The following CLTCL1 variants were observed in gnomAD, a reference collection of about 807,000 sequenced individuals.
CLTCL1 encodes clathrin heavy chain like 1, also known as clathrin heavy chain 2.
A neutral mutation model predicts 190.0 loss-of-function variants in CLTCL1; 159 were observed. The ratio of observed to expected loss-of-function variants is 0.84; its 90% CI spans 0.74 to 0.95. CLTCL1 has a LOEUF of 0.95. CLTCL1 is among the 40% of genes least tolerant of loss of function. The probability of loss-of-function intolerance (pLI) is 0.00; values close to 1 mark genes in which losing one functional copy is unlikely to be tolerated. For synonymous variants in CLTCL1, 752 were observed against 769.6 expected (o/e 0.98, Z 0.38); for missense variants, 1,878 against 2,033.4 (o/e 0.92, Z 1.47).
chr22:19,276,408 T>G (rs1224519220), intron 1 of CLTCL1, among the ~76,000 whole-genome samples: 1 of 152,160 alleles, frequency 6.6e-6, no homozygotes, highest in Non-Finnish European at 1.5e-5. Flanking sequence ...AATAAGAAAG[T>G]CAGCAGGTTT....
In CLTCL1 at chr22:19,215,112, C is replaced by A. The variant is rs5746688; in HGVS notation, c.3065+999G>T. Among the ~76,000 whole-genome samples, 1,427 of 152,332 alleles carry A rather than the reference C, an allele frequency of 9.4e-3. 34 individuals carry two copies. Among genetic ancestry groups the A allele is most frequent in the East Asian group, 0.068 (355 of 5,188 alleles). On this transcript the variant is annotated intron_variant, in intron 19 of 32. Transcript: ENST00000427926. Reference sequence around the variant, plus strand: ...GTGCCTGGAAGTACACACAAACTAACAACTATCAAAGGAGGTTGATCAGAC... The same window carrying A: ...GTGCCTGGAAGTACACACAAACTAAAAACTATCAAAGGAGGTTGATCAGAC...
intron 2 of CLTCL1, among the ~76,000 whole-genome samples, chr22:19,257,301 T>A (rs185790154): frequency 1.5e-3 from 226 of 152,268 alleles, no homozygotes; most frequent in Middle Eastern, 3.4e-3. Context: ...TATGATCAAA[T>A]GATCTTTGAC....
chr22:19,201,514 C>A, intron 22 of CLTCL1, 21 bp from the exon 23 acceptor site: 1 of 1,599,152 alleles, frequency 6.3e-7, no homozygotes. Context: ...TAGGGTAGCT[C>A]GACTGAGACA....
rs146800216 is a variant in CLTCL1, at chr22:19,217,100, C to T, written c.2920-844G>A. 8.4e-3 allele frequency among the ~76,000 whole-genome samples: 1,272 copies of T among 152,274 alleles called. 9 individuals carry two copies. The highest frequency in any genetic ancestry group is 0.014 in the Non-Finnish European group (977 of 68,018). ...AAGGTCAGTCCAGTCCACCTTTCTG[C>T]TAGTCTTTGTGAACTCAATGGTACC... is the stretch of plus-strand genomic sequence containing the variant. On this transcript the variant is annotated intron_variant, in intron 18 of 32. Transcript: ENST00000427926.
chr22:19,188,046 TCTGGA>T lies in CLTCL1; in HGVS notation c.4364_4368del (p.Val1455GlufsTer9). On this transcript the variant is annotated frameshift_variant, in exon 28 of 33. Coordinates refer to ENST00000427926, the MANE Select transcript of CLTCL1 (RefSeq NM_007098.4). LOFTEE classifies it high-confidence loss of function. Reference sequence around the variant, plus strand: ...TCATTCACACTCTTGTTGTTGTGGCTCTGGACTGACCGCAGGTAAGGCTTCACCAG... The same window carrying T: ...TCATTCACACTCTTGTTGTTGTGGCTCTGACCGCAGGTAAGGCTTCACCAG... 6.2e-7 allele frequency: 1 copy of T among 1,614,044 alleles called. No homozygotes were observed.
rs782333895 is a variant in CLTCL1, at chr22:19,224,045, T to C, written c.2138A>G (p.Tyr713Cys). 14 of 1,613,816 alleles carry C rather than the reference T, an allele frequency of 8.7e-6. No homozygotes were observed. The South Asian group carries it at 1.4e-4, about 16-fold the overall frequency. The change falls in exon 14 of 33, where the codon TAC (tyrosine) becomes TGC (cysteine). Residue 713 changes from tyrosine to cysteine, a missense_variant. Tyr to Cys is a radical substitution (Grantham distance 194, BLOSUM62 -2). Coordinates refer to ENST00000427926, the MANE Select transcript of CLTCL1 (RefSeq NM_007098.4). ...GAAGTTCACGATTGAGCCCAGGAAG[T>C]AGAAGAGGCCTATGAAGAGAGACCA... ...ESFKSYKGLF[Y>C]FLGSIVNFSQ...
intron 30 of CLTCL1, chr22:19,181,423 C>T (rs565876749): frequency 6.5e-6 from 1 of 152,864 alleles, no homozygotes; most frequent in African/African-American, 2.4e-5. Context: ...GCTAGGATCC[C>T]CTCACAAACA....
At chr22:19,223,161 G>A (rs2085629595) in intron 14 of CLTCL1, among the ~76,000 whole-genome samples, 1 of 152,112 alleles carries the variant, frequency 6.6e-6, no homozygotes, top group African/African-American at 2.4e-5. Context: ...TTTCAGACAC[G>A]CAGCCGCAGG....
At chr22:19,261,669 G>C (rs1478205436) in intron 2 of CLTCL1, among the ~76,000 whole-genome samples, 1 of 152,200 alleles carries the variant, frequency 6.6e-6, no homozygotes, top group Non-Finnish European at 1.5e-5. Context: ...AACAGCAAGA[G>C]AATTAGAAGT....
chr22:19,220,052 G>A (rs782541831), intron 17 of CLTCL1, 45 bp from the exon 18 acceptor site: 80 of 1,612,130 alleles, frequency 5.0e-5, no homozygotes, highest in Middle Eastern at 1.8e-4. Flanking sequence ...GCCAACCAGC[G>A]GAAGCTGCTT....
At chr22:19,196,187 C>G in intron 26 of CLTCL1, 79 bp downstream of exon 26, 1 of 1,462,872 alleles carries the variant, frequency 6.8e-7, no homozygotes, top group Non-Finnish European at 9.2e-7. Context: ...TCATTCCACT[C>G]CCACCTGCCC....
intron 4 of CLTCL1, among the ~76,000 whole-genome samples, chr22:19,240,203 C>T (rs1555964617): frequency 6.6e-6 from 1 of 151,394 alleles, no homozygotes; most frequent in East Asian, 1.9e-4. Flanking sequence ...TCGGGTAATC[C>T]AACCCCACCT....
intron 30 of CLTCL1, chr22:19,183,160 G>A: frequency 1.9e-6 from 1 of 521,164 alleles, no homozygotes; most frequent in Non-Finnish European, 3.5e-6. Context: ...CTACAGGAGG[G>A]CTGCTGCCAG....
chr22:19,276,439 T>A (rs117590939), intron 1 of CLTCL1, among the ~76,000 whole-genome samples: 1,691 of 152,286 alleles, frequency 0.011, 32 homozygotes, highest in East Asian at 0.061. Flanking sequence ...CCAGGGCCGA[T>A]GGACTGCTAC....
At chr22:19,243,511 C>T (rs868982297) in intron 3 of CLTCL1, among the ~76,000 whole-genome samples, 4 of 151,966 alleles carry the variant, frequency 2.6e-5, no homozygotes, top group African/African-American at 7.2e-5. Context: ...CTTAGCTACT[C>T]GGGAGGCCAA....
rs568352004 is a variant in CLTCL1 at position 19,261,131 on chromosome 22, A to G, written c.251-6904T>C. On this transcript the variant is annotated intron_variant, in intron 2 of 32. Coordinates refer to ENST00000427926, the MANE Select transcript of CLTCL1 (RefSeq NM_007098.4). ...AAGAAATGCATTTTTTTTTTTTTTG[A>G]GACGGAGTCTTTGCTCTGTTGCCCA... Among the ~76,000 whole-genome samples the G allele has an allele frequency of 7.5e-3, 1,085 of 145,502 alleles. 19 individuals are homozygous for G. Among genetic ancestry groups the G allele is most frequent in the South Asian group, 0.052 (240 of 4,624 alleles).
At chr22:19,250,392 G>A (rs2086556689) in intron 3 of CLTCL1, among the ~76,000 whole-genome samples, 1 of 146,074 alleles carries the variant, frequency 6.8e-6, no homozygotes, top group African/African-American at 2.6e-5. Context: ...AGGCTGGAAT[G>A]CAAAGACATG....
At chr22:19,203,786 A>T (rs1394177034) in intron 22 of CLTCL1, among the ~76,000 whole-genome samples, 3 of 152,300 alleles carry the variant, frequency 2.0e-5, no homozygotes, top group Non-Finnish European at 4.4e-5. Context: ...CCAGCTGGAC[A>T]GATCCACATG....
chr22:19,211,409 A>G (rs1172403803), intron 19 of CLTCL1, among the ~76,000 whole-genome samples: 1 of 152,164 alleles, frequency 6.6e-6, no homozygotes, highest in East Asian at 1.9e-4. Context: ...GCATTTAGGC[A>G]ACAAAAGAAA....
Sources: allele counts gnomAD v4.1 joint callset (sites outside exome capture counted in the v4.1 genomes callset), GRCh38; gene constraint gnomAD v4.1.1; transcripts MANE v1.5; gene names NCBI Gene and HGNC (gene_info 2026-07-23, HGNC 2026-07-21).